The following DLGAP4 variants were observed in gnomAD, a reference collection of about 807,000 sequenced individuals.
The protein encoded by DLGAP4 is DLG associated protein 4.
A neutral mutation model predicts 86.9 loss-of-function variants in DLGAP4; 18 were observed. The ratio of observed to expected loss-of-function variants is 0.21; its 90% CI spans 0.14 to 0.31. The LOEUF is 0.31. DLGAP4 is among the 10% of genes least tolerant of loss of function. The probability of loss-of-function intolerance (pLI) is 1.00; values close to 1 mark genes in which losing one functional copy is unlikely to be tolerated. For synonymous variants in DLGAP4, 548 were observed against 574.3 expected, an observed-to-expected ratio of 0.95 and a Z score of 0.65; for missense variants, 1,085 against 1,362.6, an observed-to-expected ratio of 0.80 and a Z score of 3.21.
rs2036639173 is a variant in DLGAP4, at chr20:36,510,625, G to C, written c.2512+10014G>C. Among the ~76,000 whole-genome samples, 4 of 152,012 alleles carry C rather than the reference G, an allele frequency of 2.6e-5. 1 individual carries two copies. In the South Asian group the frequency reaches 8.3e-4, roughly 31 times the overall value. ...GGGGTTTCACCGTGTTGGCCAGGCT[G>C]GTTTGGAATTCCTGACCTCAAGTGA... On this transcript the variant is annotated intron_variant, in intron 10 of 12. Transcript: ENST00000339266.
chr20:36,409,357 A>G (rs997129813), intron 2 of DLGAP4, among the ~76,000 whole-genome samples: 1 of 150,256 alleles, frequency 6.7e-6, no homozygotes, highest in African/African-American at 2.4e-5. Context: ...TTTTTCATGT[A>G]TCCCAGAACT....
intron 7 of DLGAP4, among the ~76,000 whole-genome samples, chr20:36,452,176 A>T (rs1003471685): frequency 6.6e-6 from 1 of 151,998 alleles, no homozygotes; most frequent in Non-Finnish European, 1.5e-5. Context: ...CTCCTTGAAG[A>T]TCGGCTATTT....
intron 1 of DLGAP4, among the ~76,000 whole-genome samples, chr20:36,319,197 G>C (rs957240340): frequency 6.6e-6 from 1 of 152,096 alleles, no homozygotes; most frequent in Non-Finnish European, 1.5e-5. Context: ...ATCTGTCTCA[G>C]GCCCGGAGGG....
chr20:36,423,102 A>G (rs1245521058), intron 2 of DLGAP4, among the ~76,000 whole-genome samples: 1 of 152,174 alleles, frequency 6.6e-6, no homozygotes, highest in African/African-American at 2.4e-5. Context: ...TAGAGGAGGA[A>G]ACTGAGGCAC....
Position 36,343,626 on chromosome 20 carries a change from C to T in DLGAP4, c.-303-23419C>T, listed in dbSNP as rs781918396. Among the ~76,000 whole-genome samples, 8 of 152,220 alleles carry T rather than the reference C, an allele frequency of 5.3e-5. No individual in the cohort carries two copies. The East Asian group carries it at 7.7e-4, about 15-fold the overall frequency. ...TTTTTGAGGCTACCAGGTACCCCCC[C>T]CCAACCCCCCGTTGGGTGAATTTGA... On this transcript the variant is annotated intron_variant, in intron 1 of 12. Transcript: ENST00000339266.
intron 10 of DLGAP4, among the ~76,000 whole-genome samples, chr20:36,519,536 A>G (rs957906634): frequency 6.6e-6 from 1 of 152,216 alleles, no homozygotes; most frequent in Non-Finnish European, 1.5e-5. Context: ...GGCTACTGTG[A>G]GTCAAACTGC....
intron 7 of DLGAP4, among the ~76,000 whole-genome samples, chr20:36,453,268 C>A (rs2033788114): frequency 6.6e-6 from 1 of 152,172 alleles, no homozygotes; most frequent in Non-Finnish European, 1.5e-5. Context: ...CCAGCCTCAG[C>A]AACATAGTGA....
At chr20:36,370,896 T>A (rs2030903168) in intron 2 of DLGAP4, among the ~76,000 whole-genome samples, 1 of 152,222 alleles carries the variant, frequency 6.6e-6, no homozygotes, top group Non-Finnish European at 1.5e-5. Context: ...GACCCACCTG[T>A]GAACTCACTG....
At chr20:36,416,119 A>G (rs902358657) in intron 2 of DLGAP4, among the ~76,000 whole-genome samples, 10 of 151,906 alleles carry the variant, frequency 6.6e-5, no homozygotes, top group Non-Finnish European at 1.5e-5. Context: ...TTATTTATTT[A>G]TTTACTTACT....
intron 6 of DLGAP4, among the ~76,000 whole-genome samples, chr20:36,445,869 C>A (rs1426605421): frequency 6.6e-6 from 1 of 152,216 alleles, no homozygotes; most frequent in Non-Finnish European, 1.5e-5. Flanking sequence ...ATAGCCCTTC[C>A]AGAACCCTCA....
intron 10 of DLGAP4, among the ~76,000 whole-genome samples, chr20:36,509,362 G>A (rs1443964029): frequency 1.3e-5 from 2 of 152,168 alleles, no homozygotes; most frequent in Non-Finnish European, 2.9e-5. Context: ...CCTGAGATCA[G>A]GAGTTTGAGA....
At chr20:36,493,759 C>T (rs577699923) in intron 7 of DLGAP4, among the ~76,000 whole-genome samples, 1 of 152,344 alleles carries the variant, frequency 6.6e-6, no homozygotes, top group Admixed American at 6.5e-5. Flanking sequence ...ACTCCTGCAA[C>T]TTTGAGCAAG....
chr20:36,450,054 G>T (rs2033695472), intron 7 of DLGAP4, among the ~76,000 whole-genome samples: 2 of 152,178 alleles, frequency 1.3e-5, no homozygotes, highest in Non-Finnish European at 2.9e-5. Context: ...ACATTTCAAG[G>T]CCTCTGCTCA....
rs572545417 is a variant in DLGAP4, at chr20:36,465,769, C to T, written c.1648+18832C>T. On this transcript the variant is annotated intron_variant, in intron 7 of 12. Transcript: ENST00000339266. ...TCCCAGAAGCTCAGATGGGCTCTTG[C>T]GGGAAGGCTGTCATCGTGGTTCTGT... 1.1e-4 allele frequency among the ~76,000 whole-genome samples: 17 copies of T among 152,274 alleles called. 1 individual carries two copies. In the South Asian group the frequency reaches 3.3e-3, roughly 30 times the overall value.
intron 7 of DLGAP4, among the ~76,000 whole-genome samples, chr20:36,454,016 A>G (rs1405302521): frequency 6.6e-6 from 1 of 151,478 alleles, no homozygotes; most frequent in Non-Finnish European, 1.5e-5. Context: ...CACGCCTGTA[A>G]TCCCAGCATT....
At chr20:36,326,818 T>A (rs1334259368) in intron 1 of DLGAP4, among the ~76,000 whole-genome samples, 2 of 152,090 alleles carry the variant, frequency 1.3e-5, no homozygotes, top group South Asian at 2.1e-4. Context: ...TTCATTTTTT[T>A]AAGTTATTTT....
At chr20:36,483,851 A>G (rs935175613) in intron 7 of DLGAP4, among the ~76,000 whole-genome samples, 3 of 152,236 alleles carry the variant, frequency 2.0e-5, no homozygotes, top group Non-Finnish European at 4.4e-5. Context: ...CATGGTCAGC[A>G]GAGCCAGAGC....
intron 1 of DLGAP4, among the ~76,000 whole-genome samples, chr20:36,322,813 T>A (rs2065181820): frequency 6.6e-6 from 1 of 152,198 alleles, no homozygotes; most frequent in Non-Finnish European, 1.5e-5. Context: ...GTACTAATCT[T>A]AAGCAGATAG....
chr20:36,497,970 G>A (rs541052810), intron 8 of DLGAP4: 1 of 152,534 alleles, frequency 6.6e-6, no homozygotes, highest in Non-Finnish European at 1.5e-5. Context: ...CAGCTACAGT[G>A]GGTGAGGGCG....
Sources: allele counts gnomAD v4.1 joint callset (sites outside exome capture counted in the v4.1 genomes callset), GRCh38; gene constraint gnomAD v4.1.1; transcripts MANE v1.5; gene names NCBI Gene and HGNC (gene_info 2026-07-23, HGNC 2026-07-21).